Variants in MAPK10 observed in about 807,000 individuals in gnomAD.
The protein encoded by MAPK10 is JNK3 alpha protein kinase.
MAPK10 carries 25 observed loss-of-function variants against 59.3 expected under a neutral mutation model. The observed-to-expected ratio is 0.42, with a 90% CI of 0.31 to 0.59. MAPK10 has a LOEUF of 0.59. Ranked by LOEUF, MAPK10 falls within the 20% of genes least tolerant of loss-of-function variation. The pLI is 0.15. For synonymous variants in MAPK10, 190 were observed against 200.5 expected, an observed-to-expected ratio of 0.95 and a Z score of 0.44; for missense variants, 351 against 568.9, an observed-to-expected ratio of 0.62 and a Z score of 3.90.
At chr4:86,182,137 A>G (rs1474764302) in intron 3 of MAPK10, among the ~76,000 whole-genome samples, 5 of 152,090 alleles carry the variant, frequency 3.3e-5, no homozygotes, top group African/African-American at 1.2e-4. Flanking sequence ...CCAACATTAC[A>G]AAGAAAAATT....
At chr4:86,555,768 G>A (rs751796821) in intron 1 of MAPK10, among the ~76,000 whole-genome samples, 12 of 152,298 alleles carry the variant, frequency 7.9e-5, no homozygotes, top group South Asian at 6.2e-4. Context: ...TATTAAAAGT[G>A]TAAGAAGTTG....
chr4:86,406,619 T>C (rs765919401), intron 1 of MAPK10, among the ~76,000 whole-genome samples: 8 of 152,180 alleles, frequency 5.3e-5, no homozygotes, highest in Non-Finnish European at 1.2e-4. Context: ...TAAACAGTTA[T>C]AGCTAACTAT....
At chr4:86,425,147 T>G (rs1747105933) in intron 1 of MAPK10, among the ~76,000 whole-genome samples, 1 of 152,202 alleles carries the variant, frequency 6.6e-6, no homozygotes, top group Non-Finnish European at 1.5e-5. Flanking sequence ...GTGGAGGGAC[T>G]GACAACAGAG....
chr4:86,019,326 A>T (rs999907301), intron 13 of MAPK10, among the ~76,000 whole-genome samples: 3 of 152,190 alleles, frequency 2.0e-5, no homozygotes, highest in African/African-American at 7.2e-5. Context: ...ACTCCTAAAA[A>T]TACCCATCCT....
chr4:86,344,812 T>C (rs1417563805), intron 2 of MAPK10, among the ~76,000 whole-genome samples: 1 of 152,216 alleles, frequency 6.6e-6, no homozygotes, highest in Non-Finnish European at 1.5e-5. Flanking sequence ...TCACCTGATA[T>C]GTTAGAAAAT....
At chr4:86,589,372 G>A (rs1169634728) in intron 1 of MAPK10, among the ~76,000 whole-genome samples, 1 of 152,060 alleles carries the variant, frequency 6.6e-6, no homozygotes, top group Non-Finnish European at 1.5e-5. Context: ...AAGGCAGCCC[G>A]GTTTTGTCTA....
chr4:86,238,948 C>T (rs1226441570), intron 2 of MAPK10, among the ~76,000 whole-genome samples: 2 of 152,118 alleles, frequency 1.3e-5, no homozygotes, highest in East Asian at 1.9e-4. Context: ...ATGCTTCCAG[C>T]TTTTGCCCAT....
At chr4:86,414,478 G>A (rs937255004) in intron 1 of MAPK10, among the ~76,000 whole-genome samples, 2 of 152,198 alleles carry the variant, frequency 1.3e-5, no homozygotes, top group Non-Finnish European at 2.9e-5. Context: ...AGCTAGAATT[G>A]TTACCACTTT....
intron 1 of MAPK10, among the ~76,000 whole-genome samples, chr4:86,449,405 G>T (rs143042555): frequency 6.6e-6 from 1 of 152,116 alleles, no homozygotes; most frequent in East Asian, 1.9e-4. Flanking sequence ...AAGTTAAAGC[G>T]TGCTTTATTT....
chr4:86,581,902 TATATATATATATA>T (rs1565075302), intron 1 of MAPK10, among the ~76,000 whole-genome samples: 42 of 1,840 alleles, frequency 0.023, no homozygotes, highest in African/African-American at 0.087. Flanking sequence ...ATATATATTA[TATATATATATATA>T]TATATATATA....
At chr4:86,449,004 C>T (rs1750385312) in intron 1 of MAPK10, among the ~76,000 whole-genome samples, 1 of 152,028 alleles carries the variant, frequency 6.6e-6, no homozygotes, top group South Asian at 2.1e-4. Context: ...AATGCCGCTG[C>T]TGATCTGACA....
chr4:86,375,880 T>C (rs1253303894), intron 1 of MAPK10, among the ~76,000 whole-genome samples: 1 of 152,144 alleles, frequency 6.6e-6, no homozygotes, highest in African/African-American at 2.4e-5. Flanking sequence ...TGTGAACTCA[T>C]TGTTATTCTA....
intron 9 of MAPK10, among the ~76,000 whole-genome samples, chr4:86,097,030 C>A (rs555657665): frequency 5.1e-4 from 77 of 151,860 alleles, no homozygotes; most frequent in African/African-American, 1.8e-3. Flanking sequence ...AGTTTAATGT[C>A]CACATTCAAA....
chr4:86,243,984 T>C lies in MAPK10; in HGVS notation c.-6-49577A>G, dbSNP rs949477690. On this transcript the variant is annotated intron_variant, in intron 2 of 13. Transcript: ENST00000641462. The stretch of plus-strand genomic sequence containing the variant: ...ACCATTACAAATGGCTCGAGTTTCA[T>C]TTTGAGTAACACTAAGTGGCACACA... 5.3e-5 allele frequency among the ~76,000 whole-genome samples: 8 copies of C among 152,202 alleles called. No homozygotes were observed. The East Asian group carries it at 7.7e-4, about 15-fold the overall frequency.
Position 86,244,259 on chromosome 4 carries a change from C to CA in MAPK10, c.-6-49853dup, listed in dbSNP as rs377107765. Among the ~76,000 whole-genome samples, 5 of 151,652 alleles carry CA rather than the reference C, an allele frequency of 3.3e-5. No individual in the cohort carries two copies. The East Asian group carries it at 5.8e-4, about 18-fold the overall frequency. On this transcript the variant is annotated intron_variant, in intron 2 of 13. Coordinates refer to ENST00000641462, the MANE Select transcript of MAPK10 (RefSeq NM_138982.4). The stretch of plus-strand genomic sequence containing the variant: ...GTGTTTAGGCACTTACGAAAACACT[C>CA]AAAAAAAATCAACCATTTTATACCT...
rs146001345 is a variant in MAPK10 at position 86,294,769 on chromosome 4, A to C, written c.-7+59761T>G. On this transcript the variant is annotated intron_variant, in intron 2 of 13. Coordinates refer to ENST00000641462, the MANE Select transcript of MAPK10 (RefSeq NM_138982.4). ...AGGGAGGCTGAGGTGGCCAGAATTC[A>C]CAGGGCAGAATACGAGAAAGGAGAC... 4.0e-4 allele frequency among the ~76,000 whole-genome samples: 61 copies of C among 152,314 alleles called. No individual in the cohort carries two copies. In the East Asian group the frequency reaches 8.3e-3, roughly 21 times the overall value.
chr4:86,547,350 C>A (rs904628305), intron 1 of MAPK10, among the ~76,000 whole-genome samples: 2 of 152,222 alleles, frequency 1.3e-5, no homozygotes, highest in Non-Finnish European at 2.9e-5. Flanking sequence ...CAGGACTGCG[C>A]GAGTTCCGGG....
intron 9 of MAPK10, chr4:86,091,298 C>T (rs1055662570): frequency 1.4e-4 from 21 of 151,500 alleles, no homozygotes; most frequent in Non-Finnish European, 2.5e-4. Context: ...AGAAATCTTT[C>T]CAGTGGAGGA....
At chr4:86,565,115 G>A (rs1760967887) in intron 1 of MAPK10, among the ~76,000 whole-genome samples, 1 of 152,186 alleles carries the variant, frequency 6.6e-6, no homozygotes, top group South Asian at 2.1e-4. Flanking sequence ...GTGCTGGGGA[G>A]AGGGAAGATG....
Sources: allele counts gnomAD v4.1 joint callset (sites outside exome capture counted in the v4.1 genomes callset), GRCh38; gene constraint gnomAD v4.1.1; transcripts MANE v1.5; gene names NCBI Gene and HGNC (gene_info 2026-07-23, HGNC 2026-07-21).